The following IFT81 variants were observed in gnomAD, a reference collection of about 807,000 sequenced individuals.
IFT81 encodes the protein intraflagellar transport 81, also known as intraflagellar transport protein 81 homolog.
Under a neutral mutation model 102.6 loss-of-function variants are expected in IFT81, and 72 were observed. That is an observed-to-expected ratio of 0.70 (90% CI 0.58 to 0.85). IFT81 has a LOEUF of 0.85. IFT81 is among the 40% of genes least tolerant of loss of function. The pLI, the probability that IFT81 is intolerant of heterozygous loss-of-function variation, is 0.00. For synonymous variants in IFT81, 237 were observed against 242.7 expected (o/e 0.98, Z 0.22); for missense variants, 723 against 787.3 (o/e 0.92, Z 0.98).
chr12:110,144,359 GGCAC>G, intron 9 of IFT81, among the ~76,000 whole-genome samples: 2 of 152,050 alleles, frequency 1.3e-5, no homozygotes, highest in Admixed American at 1.3e-4. Context: ...TGGGATTACA[GGCAC>G]GCGCCACCAC....
At position 110,218,230 on chromosome 12, in the gene IFT81, C is replaced by A. The variant is rs1870396988; in HGVS notation, c.*4C>A. ...GGAGGACCGGCTAATACTGTGAATTCTTGTGTCATCGTTTGGGGTTTTACT... is the reference window on the plus strand; with the variant it reads ...GGAGGACCGGCTAATACTGTGAATTATTGTGTCATCGTTTGGGGTTTTACT... On this transcript the variant is annotated 3_prime_UTR_variant, in exon 19 of 19. Coordinates refer to ENST00000242591, the MANE Select transcript of IFT81 (RefSeq NM_014055.4). 6.6e-7 allele frequency: 1 copy of A among 1,514,434 alleles called. No homozygotes were observed. The highest frequency in any genetic ancestry group is 1.4e-5 in the South Asian group (1 of 73,516). 93.8% of individuals were successfully genotyped at this position (1,514,434 alleles called of 1,614,324 possible). A position where few individuals can be genotyped will look rare whatever the true frequency, so the allele number is the denominator to read the frequency against.
chr12:110,192,519 C>A (rs955475913), intron 13 of IFT81, 98 bp from the exon 14 acceptor site: 3 of 638,614 alleles, frequency 4.7e-6, no homozygotes, highest in Non-Finnish European at 8.2e-6. Flanking sequence ...CAGTTTTTTG[C>A]TCTTACATTT....
intron 5 of IFT81, among the ~76,000 whole-genome samples, chr12:110,133,282 C>T (rs1894284468): frequency 6.6e-6 from 1 of 151,870 alleles, no homozygotes; most frequent in Admixed American, 6.6e-5. Flanking sequence ...GCCTTTATTT[C>T]TTGTTTAATC....
At chr12:110,154,763 A>G (rs1355346165) in intron 10 of IFT81, among the ~76,000 whole-genome samples, 3 of 152,134 alleles carry the variant, frequency 2.0e-5, no homozygotes, top group Admixed American at 1.3e-4. Flanking sequence ...GATACTCTGT[A>G]TGATATCTAT....
intron 8 of IFT81, among the ~76,000 whole-genome samples, chr12:110,137,929 C>T (rs548946162): frequency 1.3e-5 from 2 of 152,306 alleles, no homozygotes; most frequent in East Asian, 3.9e-4. Flanking sequence ...GTAGGTATCT[C>T]TGGCTCTGTT....
intron 11 of IFT81, among the ~76,000 whole-genome samples, chr12:110,167,474 T>C (rs775699755): frequency 4.6e-5 from 7 of 152,228 alleles, no homozygotes; most frequent in Non-Finnish European, 1.0e-4. Flanking sequence ...CTCTATTAAA[T>C]GACTACATTT....
At chr12:110,156,903 G>C (rs188390154) in intron 10 of IFT81, among the ~76,000 whole-genome samples, 1 of 152,150 alleles carries the variant, frequency 6.6e-6, no homozygotes, top group Admixed American at 6.5e-5. Context: ...GGCCTCCAAA[G>C]TTTCTGATTA....
rs778769020 is a variant in IFT81, at chr12:110,218,113, C to A, written c.1918C>A (p.Arg640Ser). ...AAATATGAAACAAGCAAAAATGTGG[C>A]GTGATTTGGAACAATTAATGGAATG... ...GPNMKQAKMW[R>S]DLEQLMECKK... The change falls in exon 19 of 19, where the codon CGT (arginine) becomes AGT (serine). Residue 640 changes from arginine to serine, a missense_variant. Transcript: ENST00000242591. 6.3e-7 allele frequency: 1 copy of A among 1,599,218 alleles called. No individual in the cohort carries two copies. The highest frequency in any genetic ancestry group is 8.5e-7 in the Non-Finnish European group (1 of 1,175,194).
intron 9 of IFT81, among the ~76,000 whole-genome samples, chr12:110,145,079 C>T (rs887132569): frequency 6.4e-5 from 9 of 141,010 alleles, no homozygotes; most frequent in South Asian, 2.2e-4. Flanking sequence ...GTCACCTAGG[C>T]TGGAGTTCAG....
chr12:110,126,684 C>T lies in IFT81; in HGVS notation c.-21-676C>T, dbSNP rs192942279. On this transcript the variant is annotated intron_variant, in intron 1 of 18. Transcript: ENST00000242591. Reference sequence around the variant, plus strand: ...CAAGAAGTTTGAGCTGTATTTTGTGCGCAATAAGGAGCATACAGATGATTT... The same window carrying T: ...CAAGAAGTTTGAGCTGTATTTTGTGTGCAATAAGGAGCATACAGATGATTT... Among the ~76,000 whole-genome samples the T allele has an allele frequency of 1.5e-3, 234 of 152,126 alleles. 1 individual carries two copies. Among genetic ancestry groups the T allele is most frequent in the Non-Finnish European group, 2.8e-3 (188 of 67,998 alleles).
Position 110,143,437 on chromosome 12 carries a change from A to G in IFT81, c.837A>G (p.Glu279=). 6.5e-7 allele frequency: 1 copy of G among 1,527,112 alleles called. No individual in the cohort carries two copies. The highest frequency in any genetic ancestry group is 1.9e-4 in the Middle Eastern group (1 of 5,182). The allele number at this position is 1,527,112 out of a possible 1,614,324, so 94.6% of individuals were successfully genotyped here. A position where few individuals can be genotyped will look rare whatever the true frequency, so the allele number is the denominator to read the frequency against. Residue 279 remains glutamate (E), a synonymous_variant, in exon 9 of 19, where the codon GAA becomes GAG. Coordinates refer to ENST00000242591, the MANE Select transcript of IFT81 (RefSeq NM_014055.4). ...EIKFNLYMVT[E]KFPKELENKK... ...AATTTAATTTATATATGGTAACTGA[A>G]AAATTTCCTAAAGAATTAGAAAATA...
intron 11 of IFT81, among the ~76,000 whole-genome samples, chr12:110,175,162 T>A (rs1037143645): frequency 6.6e-6 from 1 of 152,260 alleles, no homozygotes; most frequent in Non-Finnish European, 1.5e-5. Flanking sequence ...TTACCTGTTA[T>A]GATACACTAT....
Position 110,205,793 on chromosome 12 carries a change from A to G in IFT81, c.1802+113A>G, listed in dbSNP as rs959100142. ...CATATTTAAGTAAGTAGACACTAAGATATTATTTAATACTAAATCTTACTA... is the reference window on the plus strand; with the variant it reads ...CATATTTAAGTAAGTAGACACTAAGGTATTATTTAATACTAAATCTTACTA... On this transcript the variant is annotated intron_variant, in intron 17 of 18. Coordinates refer to ENST00000242591, the MANE Select transcript of IFT81 (RefSeq NM_014055.4). The G allele has an allele frequency of 5.0e-6, 3 of 597,300 alleles. No individual in the cohort carries two copies. The African/African-American group carries it at 5.8e-5, about 12-fold the overall frequency. The allele number at this position is 597,300 out of a possible 1,614,324, so 37.0% of individuals were successfully genotyped here.
intron 14 of IFT81, chr12:110,203,564 G>C (rs762320536): frequency 1.1e-5 from 3 of 285,350 alleles, no homozygotes; most frequent in Non-Finnish European, 2.0e-5. Context: ...GCTCTCAGCA[G>C]CCTGTTTACT....
At chr12:110,143,733 CATG>C (rs1247414633) in intron 9 of IFT81, among the ~76,000 whole-genome samples, 188 bp downstream of exon 9, 7 of 152,078 alleles carry the variant, frequency 4.6e-5, no homozygotes, top group Non-Finnish European at 8.8e-5. Flanking sequence ...ACTTAATCCA[CATG>C]ATGTTATGAA....
intron 12 of IFT81, among the ~76,000 whole-genome samples, chr12:110,186,819 C>T (rs557324449): frequency 1.1e-4 from 16 of 152,320 alleles, no homozygotes; most frequent in Admixed American, 6.5e-4. Flanking sequence ...TGAGCCACCA[C>T]GCCCAGCCCA....
chr12:110,215,662 G>T (rs1566177252), intron 18 of IFT81, among the ~76,000 whole-genome samples: 1 of 151,002 alleles, frequency 6.6e-6, no homozygotes, highest in African/African-American at 2.4e-5. Context: ...AGAGACAGGG[G>T]CGTCTCACTT....
At position 110,191,047 on chromosome 12, in the gene IFT81, T is replaced by C. The variant is rs1233556169; in HGVS notation, c.1466T>C (p.Met489Thr). The change falls in exon 13 of 19, where the codon ATG becomes ACG. Residue 489 changes from methionine (M) to threonine (T), a missense_variant and splice_region_variant. Transcript: ENST00000242591. ...CGAACATTGGATGATATGTCTGAAA[T>C]GGTGATGATACTTTTATTTAAATTT... ...KGRTLDDMSE[M>T]VKKLYSLVSE... The C allele has an allele frequency of 2.5e-6, 4 of 1,598,528 alleles. No homozygotes were observed. Among genetic ancestry groups the C allele is most frequent in the Admixed American group, 1.8e-5 (1 of 56,728 alleles).
At chr12:110,157,552 A>G (rs1050759435) in intron 10 of IFT81, among the ~76,000 whole-genome samples, 8 of 152,076 alleles carry the variant, frequency 5.3e-5, no homozygotes, top group Admixed American at 5.2e-4. Context: ...TTAGATGTTT[A>G]TATTTGTATT....
Sources: gnomAD v4.1 joint callset for allele counts (sites outside exome capture counted in the v4.1 genomes callset) on GRCh38, gnomAD v4.1.1 for gene constraint, MANE v1.5 for transcripts, NCBI Gene and HGNC (gene_info 2026-07-23, HGNC 2026-07-21) for gene names.